The following PPP1CB variants were observed in gnomAD, a reference collection of about 807,000 sequenced individuals.
PPP1CB encodes protein phosphatase 1 catalytic subunit beta.
Under a neutral mutation model 43.7 loss-of-function variants are expected in PPP1CB, and 2 were observed. The ratio of observed to expected loss-of-function variants is 0.05; its 90% CI spans 0.02 to 0.14. The LOEUF (loss-of-function observed/expected upper bound fraction) is 0.14, where lower values mean the gene tolerates loss of function less well. PPP1CB is among the 10% of genes least tolerant of loss of function. The probability of loss-of-function intolerance (pLI) is 1.00; values close to 1 mark genes in which losing one functional copy is unlikely to be tolerated. For missense variants in PPP1CB, 84 were observed against 398.0 expected, an observed-to-expected ratio of 0.21 and a Z score of 6.71; for synonymous variants, 136 against 135.6, an observed-to-expected ratio of 1.00 and a Z score of -0.02.
Position 28,801,199 on chromosome 2 carries a change from A to G in PPP1CB, c.*1896A>G, listed in dbSNP as rs1667607890. The G allele has an allele frequency of 6.6e-6, 1 of 152,114 alleles. No individual in the cohort carries two copies. Among genetic ancestry groups the G allele is most frequent in the Non-Finnish European group, 1.5e-5 (1 of 67,970 alleles). 9.4% of individuals were successfully genotyped at this position (152,114 alleles called of 1,614,324 possible). ...GGTTAGGTCACAAAGGTTTTATCTG[A>G]GGTGATTTAAATAACTTCCTGATTG... is the stretch of plus-strand genomic sequence containing the variant. On this transcript the variant is annotated 3_prime_UTR_variant, in exon 8 of 8. Transcript: ENST00000395366.
At chr2:28,790,361 G>A (rs1319126866) in intron 6 of PPP1CB, among the ~76,000 whole-genome samples, 3 of 151,946 alleles carry the variant, frequency 2.0e-5, no homozygotes, top group East Asian at 1.9e-4. Flanking sequence ...TTTGTTTGAG[G>A]CCGAGTCTCA....
At chr2:28,784,113 ATTACT>A (rs1189148609) in intron 5 of PPP1CB, 135 bp downstream of exon 5, 11 of 582,892 alleles carry the variant, frequency 1.9e-5, no homozygotes, top group South Asian at 1.4e-4. Flanking sequence ...CCAGCTACAG[ATTACT>A]TTATTTGCAG....
At position 28,783,809 on chromosome 2, in the gene PPP1CB, A is replaced by C. The variant is rs1166704641; in HGVS notation, c.521-98A>C. The C allele has an allele frequency of 3.7e-6, 3 of 803,166 alleles. No homozygotes were observed. The East Asian group carries it at 7.8e-5, about 21-fold the overall frequency. The allele number at this position is 803,166 out of a possible 1,614,324, so 49.8% of individuals were successfully genotyped here. Reference sequence around the variant, plus strand: ...CACTTTTCAGTATCTTTAATTTCACATAGTGAATCTATTTTGATTAAATGC... The same window carrying C: ...CACTTTTCAGTATCTTTAATTTCACCTAGTGAATCTATTTTGATTAAATGC... On this transcript the variant is annotated intron_variant, in intron 4 of 7. Transcript: ENST00000395366.
chr2:28,756,696 C>A (rs547736658), intron 1 of PPP1CB, among the ~76,000 whole-genome samples: 50 of 152,202 alleles, frequency 3.3e-4, no homozygotes, highest in African/African-American at 1.2e-3. Context: ...GTTGGTTGCC[C>A]AGTCTGGTCT....
intron 1 of PPP1CB, among the ~76,000 whole-genome samples, chr2:28,753,177 A>G (rs116610187): frequency 0.014 from 2,156 of 150,662 alleles, 52 homozygotes; most frequent in African/African-American, 0.049. Flanking sequence ...GTGAGTGTGT[A>G]GAAAAGCCTT....
At chr2:28,767,502 G>GTAAA (rs1666805224) in intron 1 of PPP1CB, among the ~76,000 whole-genome samples, 1 of 152,168 alleles carries the variant, frequency 6.6e-6, no homozygotes, top group Non-Finnish European at 1.5e-5. Context: ...TGCACTGGTA[G>GTAAA]TAAAAGTAAA....
chr2:28,789,391 C>T (rs916404288), intron 6 of PPP1CB, among the ~76,000 whole-genome samples: 6 of 150,910 alleles, frequency 4.0e-5, no homozygotes, highest in Non-Finnish European at 8.8e-5. Context: ...TGCCTGTGGT[C>T]CCAGCTACGT....
intron 1 of PPP1CB, among the ~76,000 whole-genome samples, chr2:28,776,342 A>C (rs776498548): frequency 2.0e-5 from 3 of 151,764 alleles, no homozygotes; most frequent in Non-Finnish European, 4.4e-5. Flanking sequence ...AGCTCACTGC[A>C]ACCTCTGCCC....
At chr2:28,783,179 A>G (rs1667191802) in intron 4 of PPP1CB, among the ~76,000 whole-genome samples, 1 of 152,198 alleles carries the variant, frequency 6.6e-6, no homozygotes, top group South Asian at 2.1e-4. Context: ...TGGGATGTGA[A>G]AAGAAGGTCT....
At chr2:28,775,404 C>A (rs992906838) in intron 1 of PPP1CB, among the ~76,000 whole-genome samples, 1 of 152,044 alleles carries the variant, frequency 6.6e-6, no homozygotes, top group African/African-American at 2.4e-5. Flanking sequence ...CCACCGTGCC[C>A]GGCCTTTATT....
intron 5 of PPP1CB, among the ~76,000 whole-genome samples, 191 bp downstream of exon 5, chr2:28,784,169 G>A (rs181900751): frequency 7.2e-5 from 11 of 152,132 alleles, no homozygotes; most frequent in East Asian, 1.9e-4. Context: ...CTCAAAATGC[G>A]GAACCTTTTT....
At chr2:28,784,812 C>G (rs1296252017) in intron 5 of PPP1CB, among the ~76,000 whole-genome samples, 2 of 147,898 alleles carry the variant, frequency 1.4e-5, no homozygotes, top group Admixed American at 6.9e-5. Context: ...CCTAGCTACT[C>G]AAGAGGCTGA....
intron 6 of PPP1CB, among the ~76,000 whole-genome samples, 162 bp from the exon 7 acceptor site, chr2:28,793,701 T>G (rs1190498958): frequency 6.6e-6 from 1 of 152,214 alleles, no homozygotes; most frequent in Non-Finnish European, 1.5e-5. Flanking sequence ...GTTTTAATGT[T>G]CTAAGCAAAG....
intron 1 of PPP1CB, among the ~76,000 whole-genome samples, chr2:28,755,295 C>T (rs1409223602): frequency 1.3e-5 from 2 of 152,182 alleles, no homozygotes; most frequent in Non-Finnish European, 2.9e-5. Flanking sequence ...CCGCCTCGGC[C>T]TCCCAAAGTG....
intron 1 of PPP1CB, among the ~76,000 whole-genome samples, chr2:28,763,989 C>T (rs973658593): frequency 2.0e-5 from 3 of 152,044 alleles, no homozygotes; most frequent in Non-Finnish European, 4.4e-5. Flanking sequence ...GCATGAGCCA[C>T]CATGCCCGGC....
intron 7 of PPP1CB, 39 bp from the exon 8 acceptor site, chr2:28,799,160 A>C (rs777148325): frequency 1.5e-6 from 2 of 1,368,340 alleles, no homozygotes; most frequent in Non-Finnish European, 2.0e-6. Flanking sequence ...ACTTCTGTAC[A>C]TGAAAAAATA....
At chr2:28,771,099 G>A (rs1270844901) in intron 1 of PPP1CB, among the ~76,000 whole-genome samples, 1 of 124,752 alleles carries the variant, frequency 8.0e-6, no homozygotes, top group Non-Finnish European at 1.5e-5. Flanking sequence ...TGTTGCCCAG[G>A]CTGCAGTGCA....
chr2:28,759,948 G>GTTAAC (rs70956035), intron 1 of PPP1CB, among the ~76,000 whole-genome samples: 85,300 of 151,344 alleles, frequency 0.56, 24,501 homozygotes, highest in Middle Eastern at 0.63. Context: ...TAAAAAACTA[G>GTTAAC]TTAAAACCGA....
Position 28,752,061 on chromosome 2 carries a change from C to T in PPP1CB, c.-64C>T. 4 of 1,496,406 alleles carry T rather than the reference C, an allele frequency of 2.7e-6. No homozygotes were observed. Among genetic ancestry groups the T allele is most frequent in the Non-Finnish European group, 3.6e-6 (4 of 1,097,768 alleles). The allele number at this position is 1,496,406 out of a possible 1,614,324, so 92.7% of individuals were successfully genotyped here. On this transcript the variant is annotated 5_prime_UTR_variant, in exon 1 of 8. Coordinates refer to ENST00000395366, the MANE Select transcript of PPP1CB (RefSeq NM_002709.3). ...AGGTGAGAGAACGCCGAGCCGTCGC[C>T]GCAGCCTCCGCCGCCGAGAAGCCCT...
Sources: allele counts gnomAD v4.1 joint callset (sites outside exome capture counted in the v4.1 genomes callset), GRCh38; gene constraint gnomAD v4.1.1; transcripts MANE v1.5; gene names NCBI Gene and HGNC (gene_info 2026-07-23, HGNC 2026-07-21).